Variants in PPP6R3 observed in about 807,000 individuals in gnomAD.
The protein encoded by PPP6R3 is protein phosphatase 6 regulatory subunit 3.
A neutral mutation model predicts 110.7 loss-of-function variants in PPP6R3; 38 were observed. The observed-to-expected ratio is 0.34, with a 90% CI of 0.26 to 0.45. The LOEUF (loss-of-function observed/expected upper bound fraction) is 0.45. Among genes scored for constraint, PPP6R3 ranks in the 20% least tolerant of loss-of-function variants. The pLI is 1.00. For synonymous variants in PPP6R3, 369 were observed against 373.5 expected (o/e 0.99, Z 0.14); for missense variants, 870 against 1,062.4 (o/e 0.82, Z 2.52).
At chr11:68,581,699 A>G (rs2099555234) in intron 14 of PPP6R3, among the ~76,000 whole-genome samples, 1 of 152,226 alleles carries the variant, frequency 6.6e-6, no homozygotes, top group African/African-American at 2.4e-5. Flanking sequence ...CACTCTGGCA[A>G]GGCTTTCCTG....
intron 12 of PPP6R3, among the ~76,000 whole-genome samples, chr11:68,573,155 A>AATT (rs2099516959): frequency 3.4e-5 from 1 of 29,580 alleles, no homozygotes; most frequent in Non-Finnish European, 6.4e-5. Context: ...TATATATATA[A>AATT]TTTTTTTTTT....
At position 68,613,156 on chromosome 11, in the gene PPP6R3, C is replaced by A. The variant is rs77945063; in HGVS notation, c.*39C>A. 15 of 1,612,542 alleles carry A rather than the reference C, an allele frequency of 9.3e-6. No homozygotes were observed. Among genetic ancestry groups the A allele is most frequent in the Non-Finnish European group, 1.3e-5 (15 of 1,179,498 alleles). The stretch of plus-strand genomic sequence containing the variant: ...CTGCTGCTGACTGAGGACTGCAGAC[C>A]GCCACCACTCAGGGGCTCTGGAGGG... On this transcript the variant is annotated 3_prime_UTR_variant, in exon 24 of 24. Transcript: ENST00000393800.
intron 1 of PPP6R3, among the ~76,000 whole-genome samples, chr11:68,511,495 T>TGTG (rs56327782): frequency 4.1e-5 from 6 of 147,760 alleles, no homozygotes; most frequent in Admixed American, 6.7e-5. Flanking sequence ...TGTGTGTGTG[T>TGTG]TTTGAGTTGG....
At chr11:68,556,147 G>C (rs551321266) in intron 7 of PPP6R3, among the ~76,000 whole-genome samples, 2 of 152,210 alleles carry the variant, frequency 1.3e-5, no homozygotes, top group East Asian at 3.9e-4. Flanking sequence ...AGCTTGCCGA[G>C]CTCTATATTA....
intron 8 of PPP6R3, among the ~76,000 whole-genome samples, chr11:68,561,649 A>T (rs866155150): frequency 1.3e-5 from 2 of 152,244 alleles, no homozygotes; most frequent in South Asian, 2.1e-4. Flanking sequence ...ATCTGATCAC[A>T]TCAGATCAAT....
intron 3 of PPP6R3, among the ~76,000 whole-genome samples, chr11:68,543,136 A>C (rs536373831): frequency 6.6e-6 from 1 of 152,270 alleles, no homozygotes; most frequent in South Asian, 2.1e-4. Flanking sequence ...TAAGATAAGG[A>C]CTATTGTCTT....
chr11:68,589,653 C>T (rs1245249088), intron 16 of PPP6R3, among the ~76,000 whole-genome samples: 4 of 152,222 alleles, frequency 2.6e-5, no homozygotes, highest in Non-Finnish European at 2.9e-5. Context: ...GGTTATGCCA[C>T]AGACACCCAG....
At chr11:68,509,470 ATTTTTTTTT>A (rs34228704) in intron 1 of PPP6R3, among the ~76,000 whole-genome samples, 1 of 116,474 alleles carries the variant, frequency 8.6e-6, no homozygotes, top group African/African-American at 3.2e-5. Flanking sequence ...TTACTTCTCT[ATTTTTTTTT>A]TTTTTTTTTT....
In PPP6R3 at chr11:68,613,166, CAG is replaced by C. The variant is rs548847459; in HGVS notation, c.*50_*51del. On this transcript the variant is annotated 3_prime_UTR_variant, in exon 24 of 24. Coordinates refer to ENST00000393800, the MANE Select transcript of PPP6R3 (RefSeq NM_001164161.2). ...CTGAGGACTGCAGACCGCCACCACT[CAG>C]GGGCTCTGGAGGGGTCAGCTGGAGC... 367 of 1,611,104 alleles carry C rather than the reference CAG, an allele frequency of 2.3e-4. 1 individual carries two copies. The African/African-American group carries it at 4.0e-3, about 18-fold the overall frequency.
chr11:68,469,056 G>A (rs1366569011), intron 1 of PPP6R3, among the ~76,000 whole-genome samples: 2 of 152,174 alleles, frequency 1.3e-5, no homozygotes, highest in East Asian at 3.8e-4. Flanking sequence ...TAACCAGACA[G>A]CTCTATTGAG....
At chr11:68,480,629 A>G (rs117419750) in intron 1 of PPP6R3, among the ~76,000 whole-genome samples, 208 of 152,276 alleles carry the variant, frequency 1.4e-3, no homozygotes, top group Non-Finnish European at 2.5e-3. Flanking sequence ...CAGTCCAGCA[A>G]ATGTTTGTTT....
intron 10 of PPP6R3, among the ~76,000 whole-genome samples, chr11:68,568,581 G>GT (rs1380794491): frequency 6.6e-6 from 1 of 151,968 alleles, no homozygotes; most frequent in African/African-American, 2.4e-5. Flanking sequence ...GGAGATTCAC[G>GT]TTACTGCCTC....
At chr11:68,521,307 AC>A (rs1233922144) in intron 2 of PPP6R3, among the ~76,000 whole-genome samples, 1 of 152,184 alleles carries the variant, frequency 6.6e-6, no homozygotes, top group Non-Finnish European at 1.5e-5. Context: ...AGTACTTTTC[AC>A]AAAATAAGGT....
At chr11:68,586,868 G>A (rs2099580183) in intron 15 of PPP6R3, 1 of 152,188 alleles carries the variant, frequency 6.6e-6, no homozygotes, top group Non-Finnish European at 1.5e-5. Flanking sequence ...CAAGGAGAAG[G>A]TGGTTTAATA....
intron 4 of PPP6R3, among the ~76,000 whole-genome samples, chr11:68,546,603 A>G (rs2099350188): frequency 6.6e-6 from 1 of 152,198 alleles, no homozygotes; most frequent in African/African-American, 2.4e-5. Flanking sequence ...GTGTAAATAA[A>G]GGTTTTCTGT....
intron 1 of PPP6R3, among the ~76,000 whole-genome samples, chr11:68,498,169 C>A (rs2099028991): frequency 6.6e-6 from 1 of 152,134 alleles, no homozygotes; most frequent in Non-Finnish European, 1.5e-5. Context: ...TTTTTGTTAT[C>A]AGTGGCCAGA....
At chr11:68,514,477 A>C (rs1465914301) in intron 1 of PPP6R3, among the ~76,000 whole-genome samples, 1 of 152,134 alleles carries the variant, frequency 6.6e-6, no homozygotes, top group African/African-American at 2.4e-5. Flanking sequence ...TTAGACTTGA[A>C]TTATACCTTG....
At chr11:68,491,652 T>A (rs1418743876) in intron 1 of PPP6R3, among the ~76,000 whole-genome samples, 1 of 152,076 alleles carries the variant, frequency 6.6e-6, no homozygotes, top group Non-Finnish European at 1.5e-5. Flanking sequence ...TCCCAGCCCA[T>A]TTTAACTGTT....
chr11:68,575,999 A>G lies in PPP6R3; in HGVS notation c.1501A>G (p.Thr501Ala). The G allele has an allele frequency of 1.2e-6, 2 of 1,612,664 alleles. No homozygotes were observed. Among genetic ancestry groups the G allele is most frequent in the African/African-American group, 1.3e-5 (1 of 74,976 alleles). Residue 501 changes from threonine to alanine, a missense_variant, in exon 14 of 24, where the codon ACA becomes GCA. Thr to Ala is a moderately conservative substitution (Grantham distance 58). Coordinates refer to ENST00000393800, the MANE Select transcript of PPP6R3 (RefSeq NM_001164161.2). ...CAGGGAACGATGGGAGACGTTCTGC[A>G]CAAGCTCCTTAGGAGAAACTAACAA... is the stretch of plus-strand genomic sequence containing the variant. ...EVRERWETFC[T>A]SSLGETNKRN...
Sources: gnomAD v4.1 joint callset for allele counts (sites outside exome capture counted in the v4.1 genomes callset) on GRCh38, gnomAD v4.1.1 for gene constraint, MANE v1.5 for transcripts, NCBI Gene and HGNC (gene_info 2026-07-23, HGNC 2026-07-21) for gene names.